SLC10A7: variants seen among roughly 807,000 people sequenced by gnomAD.
SLC10A7 encodes the protein sodium/bile acid cotransporter 7.
SLC10A7 carries 29 observed loss-of-function variants against 43.2 expected under a neutral mutation model. The ratio of observed to expected loss-of-function variants is 0.67; its 90% CI spans 0.50 to 0.92. The LOEUF (loss-of-function observed/expected upper bound fraction) is 0.92. Ranked by LOEUF, SLC10A7 falls within the 40% of genes least tolerant of loss-of-function variation. The probability of loss-of-function intolerance (pLI) is 0.00; values close to 1 mark genes in which losing one functional copy is unlikely to be tolerated. For synonymous variants in SLC10A7, 152 were observed against 144.8 expected, an observed-to-expected ratio of 1.05 and a Z score of -0.35; for missense variants, 295 against 403.2, an observed-to-expected ratio of 0.73 and a Z score of 2.30.
intron 5 of SLC10A7, among the ~76,000 whole-genome samples, chr4:146,422,454 T>A (rs1275153291): frequency 1.3e-5 from 2 of 152,146 alleles, no homozygotes; most frequent in Non-Finnish European, 2.9e-5. Flanking sequence ...AAAACTCTTT[T>A]TCAACAGAAG....
intron 5 of SLC10A7, among the ~76,000 whole-genome samples, chr4:146,338,790 A>G (rs1165485155): frequency 1.3e-5 from 2 of 151,992 alleles, no homozygotes; most frequent in Non-Finnish European, 2.9e-5. Flanking sequence ...ACTCAGCACT[A>G]TATTATTTAC....
rs148040915 is a variant in SLC10A7 at position 146,456,365 on chromosome 4, C to T, written c.397-13544G>A. Reference sequence around the variant, plus strand: ...CAACTGGGTGTACTGGAATACAATTCTGGTGTTAACCACCTAGAATTAGTG... The same window carrying T: ...CAACTGGGTGTACTGGAATACAATTTTGGTGTTAACCACCTAGAATTAGTG... On this transcript the variant is annotated intron_variant, in intron 4 of 11. Transcript: ENST00000335472. Among the ~76,000 whole-genome samples, 485 of 152,022 alleles carry T rather than the reference C, an allele frequency of 3.2e-3. 3 individuals carry two copies. The highest frequency in any genetic ancestry group is 0.011 in the African/African-American group (447 of 41,530).
chr4:146,419,043 G>A (rs1387385063), intron 5 of SLC10A7, among the ~76,000 whole-genome samples: 1 of 152,244 alleles, frequency 6.6e-6, no homozygotes, highest in African/African-American at 2.4e-5. Context: ...CATGTGGGAA[G>A]GGGCACGGAG....
intron 5 of SLC10A7, among the ~76,000 whole-genome samples, chr4:146,387,478 T>C (rs1738095795): frequency 6.6e-6 from 1 of 152,076 alleles, no homozygotes; most frequent in South Asian, 2.1e-4. Context: ...AGAGCCAACA[T>C]CATATGCATC....
At chr4:146,460,986 AC>A (rs1732477947) in intron 4 of SLC10A7, among the ~76,000 whole-genome samples, 1 of 152,022 alleles carries the variant, frequency 6.6e-6, no homozygotes, top group Admixed American at 6.6e-5. Context: ...TTAGAAATGA[AC>A]CAAAACCACC....
chr4:146,466,796 T>C (rs947244934), intron 4 of SLC10A7, among the ~76,000 whole-genome samples: 4 of 152,166 alleles, frequency 2.6e-5, no homozygotes, highest in African/African-American at 9.7e-5. Flanking sequence ...AGAAATAAAT[T>C]AAATGCATCA....
At chr4:146,510,198 C>T (rs917569153) in intron 2 of SLC10A7, 149 bp from the exon 3 acceptor site, 2 of 511,354 alleles carry the variant, frequency 3.9e-6, no homozygotes, top group African/African-American at 4.0e-5. Context: ...GCATACAAGA[C>T]AGAATGCAAG....
At chr4:146,369,672 G>A (rs1425681766) in intron 5 of SLC10A7, among the ~76,000 whole-genome samples, 2 of 152,154 alleles carry the variant, frequency 1.3e-5, no homozygotes, top group Non-Finnish European at 2.9e-5. Flanking sequence ...AATGAGTAAT[G>A]TTAGAGGCCT....
chr4:146,511,497 T>TATC (rs1464150623), intron 2 of SLC10A7, among the ~76,000 whole-genome samples: 1 of 152,192 alleles, frequency 6.6e-6, no homozygotes, highest in Non-Finnish European at 1.5e-5. Context: ...AGCCAAAGTT[T>TATC]ATCAGTTTAA....
chr4:146,261,238 A>G (rs928942511), intron 10 of SLC10A7, among the ~76,000 whole-genome samples: 3 of 152,136 alleles, frequency 2.0e-5, no homozygotes, highest in African/African-American at 7.2e-5. Flanking sequence ...ATTTCTTTCT[A>G]GTCTGGGCTT....
chr4:146,357,150 C>T (rs1363125150), intron 5 of SLC10A7, among the ~76,000 whole-genome samples: 2 of 152,106 alleles, frequency 1.3e-5, no homozygotes, highest in Non-Finnish European at 2.9e-5. Flanking sequence ...ATGTAACATA[C>T]GTATGTATGT....
chr4:146,338,077 C>CA (rs1734010860), intron 5 of SLC10A7, among the ~76,000 whole-genome samples: 1 of 151,872 alleles, frequency 6.6e-6, no homozygotes, highest in Non-Finnish European at 1.5e-5. Flanking sequence ...TGTAACACAA[C>CA]AGTGCCTGGC....
At chr4:146,401,248 C>G (rs967970066) in intron 5 of SLC10A7, among the ~76,000 whole-genome samples, 1 of 152,134 alleles carries the variant, frequency 6.6e-6, no homozygotes, top group Non-Finnish European at 1.5e-5. Flanking sequence ...GCTGCTGATC[C>G]CTTAGTAACC....
intron 4 of SLC10A7, among the ~76,000 whole-genome samples, chr4:146,491,188 G>A (rs1735382608): frequency 6.6e-6 from 1 of 152,112 alleles, no homozygotes; most frequent in Admixed American, 6.5e-5. Context: ...GGGGGATGAG[G>A]AGGTCCTTAC....
chr4:146,419,556 C>T (rs982891271), intron 5 of SLC10A7, among the ~76,000 whole-genome samples: 2 of 152,092 alleles, frequency 1.3e-5, no homozygotes, highest in Non-Finnish European at 2.9e-5. Context: ...CAATTAAAGG[C>T]CAGGCACAGT....
chr4:146,365,760 AT>A (rs2149770471), intron 5 of SLC10A7, among the ~76,000 whole-genome samples: 1 of 152,258 alleles, frequency 6.6e-6, no homozygotes, highest in African/African-American at 2.4e-5. Context: ...TGAGTCTTGG[AT>A]TATTTTCTAC....
chr4:146,468,206 T>C (rs1036594491), intron 4 of SLC10A7, among the ~76,000 whole-genome samples: 2 of 152,112 alleles, frequency 1.3e-5, no homozygotes, highest in African/African-American at 4.8e-5. Context: ...ATAAGACAAT[T>C]CATGACAATC....
At chr4:146,343,745 G>C (rs1444163901) in intron 5 of SLC10A7, among the ~76,000 whole-genome samples, 3 of 151,644 alleles carry the variant, frequency 2.0e-5, no homozygotes, top group African/African-American at 7.3e-5. Flanking sequence ...TGAATTGATA[G>C]AAATATATGT....
At chr4:146,496,196 G>C (rs975498163) in intron 4 of SLC10A7, among the ~76,000 whole-genome samples, 2 of 152,078 alleles carry the variant, frequency 1.3e-5, no homozygotes, top group African/African-American at 4.8e-5. Flanking sequence ...GCCTATTTTT[G>C]TGAGGTTTAT....
Sources: allele counts gnomAD v4.1 joint callset (sites outside exome capture counted in the v4.1 genomes callset), GRCh38; gene constraint gnomAD v4.1.1; transcripts MANE v1.5; gene names NCBI Gene and HGNC (gene_info 2026-07-23, HGNC 2026-07-21).